The following ANKRD6 variants were observed in gnomAD, a reference collection of about 807,000 sequenced individuals.
The protein encoded by ANKRD6 is ankyrin repeat domain-containing protein 6.
A neutral mutation model predicts 82.3 loss-of-function variants in ANKRD6; 56 were observed. The ratio of observed to expected loss-of-function variants is 0.68; its 90% CI spans 0.55 to 0.85. The LOEUF (loss-of-function observed/expected upper bound fraction) is 0.85, where lower values mean the gene tolerates loss of function less well. Among genes scored for constraint, ANKRD6 ranks in the 40% least tolerant of loss-of-function variants. ANKRD6 has a pLI of 0.00. For synonymous variants in ANKRD6, 347 were observed against 352.1 expected, an observed-to-expected ratio of 0.99 and a Z score of 0.16; for missense variants, 852 against 907.6, an observed-to-expected ratio of 0.94 and a Z score of 0.79.
Position 89,455,846 on chromosome 6 carries a change from A to C in ANKRD6, c.-144+22471A>C, listed in dbSNP as rs537351432. On this transcript the variant is annotated intron_variant, in intron 1 of 15. Coordinates refer to ENST00000339746, the MANE Select transcript of ANKRD6 (RefSeq NM_001242809.2). Reference sequence around the variant, plus strand: ...CCAATTAAACCTCTTTTCTTTATAAATTATGCAGTCTCAGGTATTTCTTTT... The same window carrying C: ...CCAATTAAACCTCTTTTCTTTATAACTTATGCAGTCTCAGGTATTTCTTTT... Among the ~76,000 whole-genome samples, 21 of 151,962 alleles carry C rather than the reference A, an allele frequency of 1.4e-4. No homozygotes were observed. The South Asian group carries it at 1.5e-3, about 11-fold the overall frequency.
chr6:89,529,493 CT>C (rs1428232165), intron 1 of ANKRD6, among the ~76,000 whole-genome samples: 1 of 152,184 alleles, frequency 6.6e-6, no homozygotes, highest in African/African-American at 2.4e-5. Context: ...CCAGACCAAA[CT>C]TTCTCCATAT....
intron 2 of ANKRD6, among the ~76,000 whole-genome samples, chr6:89,589,466 A>G (rs1794450267): frequency 6.6e-6 from 1 of 152,078 alleles, no homozygotes; most frequent in Admixed American, 6.5e-5. Flanking sequence ...AAACACCTCC[A>G]CTTCCTTTCA....
At chr6:89,514,530 C>G (rs532528301) in intron 1 of ANKRD6, among the ~76,000 whole-genome samples, 4 of 152,066 alleles carry the variant, frequency 2.6e-5, no homozygotes, top group Admixed American at 6.5e-5. Flanking sequence ...ACACCCCTGC[C>G]GTAAATGGAA....
At chr6:89,468,421 G>A (rs1775080951) in intron 1 of ANKRD6, among the ~76,000 whole-genome samples, 1 of 152,048 alleles carries the variant, frequency 6.6e-6, no homozygotes, top group African/African-American at 2.4e-5. Flanking sequence ...TGGTTAAGCT[G>A]TTTTTGATGG....
At chr6:89,589,365 T>A (rs1409774285) in intron 2 of ANKRD6, among the ~76,000 whole-genome samples, 1 of 152,112 alleles carries the variant, frequency 6.6e-6, no homozygotes, top group East Asian at 1.9e-4. Flanking sequence ...TCCTGGCCCC[T>A]CCTAGGAAGG....
intron 1 of ANKRD6, among the ~76,000 whole-genome samples, chr6:89,518,363 T>C (rs1419129655): frequency 1.3e-5 from 2 of 151,086 alleles, no homozygotes; most frequent in East Asian, 1.9e-4. Flanking sequence ...GATCGCGCCA[T>C]TGCACTCCAC....
chr6:89,488,734 A>G (rs1057414933), intron 1 of ANKRD6, among the ~76,000 whole-genome samples: 1 of 152,206 alleles, frequency 6.6e-6, no homozygotes, highest in African/African-American at 2.4e-5. Context: ...TACTTGACTC[A>G]TTTTGATCAA....
intron 7 of ANKRD6, chr6:89,616,265 C>CAGGAGAATGGTG: frequency 2.6e-6 from 1 of 382,394 alleles, no homozygotes; most frequent in Non-Finnish European, 4.8e-6. Flanking sequence ...CGTGAGGCTT[C>CAGGAGAATGGTG]AGGTCCCACC....
chr6:89,602,800 C>T (rs1797537674), intron 3 of ANKRD6: 3 of 523,508 alleles, frequency 5.7e-6, no homozygotes, highest in African/African-American at 1.9e-5. Flanking sequence ...TTGCTGTCGG[C>T]TTAAGGTCCC....
At position 89,606,068 on chromosome 6, in the gene ANKRD6, T is replaced by C; in HGVS notation, c.380T>C (p.Leu127Pro). Reference sequence around the variant, plus strand: ...GGTTTCAGCCAGTCAGCCAAGCTGCTCATTAAAGCAGGAGCCAACGTGCTT... The same window carrying C: ...GGTTTCAGCCAGTCAGCCAAGCTGCCCATTAAAGCAGGAGCCAACGTGCTT... ...WHGFSQSAKL[L>P]IKAGANVLAK... Residue 127 changes from leucine (L) to proline (P), a missense_variant, in exon 5 of 16, where the codon CTC (leucine) becomes CCC (proline). By Grantham distance (98) the Leu-to-Pro change is moderately conservative. Transcript: ENST00000339746. 2 of 1,592,862 alleles carry C rather than the reference T, an allele frequency of 1.3e-6. No individual in the cohort carries two copies. The highest frequency in any genetic ancestry group is 1.7e-6 in the Non-Finnish European group (2 of 1,169,416).
chr6:89,461,919 G>A (rs1330630263), intron 1 of ANKRD6, among the ~76,000 whole-genome samples: 1 of 152,028 alleles, frequency 6.6e-6, no homozygotes, highest in Non-Finnish European at 1.5e-5. Context: ...GCTCATTAGA[G>A]ATAACCAGTG....
In ANKRD6 at chr6:89,615,692, G is replaced by C. The variant is rs75346795; in HGVS notation, c.616-867G>C. Among the ~76,000 whole-genome samples, 836 of 152,302 alleles carry C rather than the reference G, an allele frequency of 5.5e-3. 9 individuals are homozygous for C. Among genetic ancestry groups the C allele is most frequent in the African/African-American group, 0.019 (801 of 41,560 alleles). ...TTTCCCACCCCTCACAAAGATGGCTGAATGTTCATGCTACCCAGGAAAAAA... is the reference window on the plus strand; with the variant it reads ...TTTCCCACCCCTCACAAAGATGGCTCAATGTTCATGCTACCCAGGAAAAAA... On this transcript the variant is annotated intron_variant, in intron 7 of 15. Transcript: ENST00000339746.
At chr6:89,515,320 A>G (rs1426477647) in intron 1 of ANKRD6, among the ~76,000 whole-genome samples, 3 of 152,192 alleles carry the variant, frequency 2.0e-5, no homozygotes, top group Non-Finnish European at 4.4e-5. Flanking sequence ...AAATCAGCAA[A>G]TGCCACAAAG....
intron 2 of ANKRD6, among the ~76,000 whole-genome samples, chr6:89,593,439 T>C (rs1795280708): frequency 6.6e-6 from 1 of 152,240 alleles, no homozygotes; most frequent in Non-Finnish European, 1.5e-5. Context: ...GCACAGTCAC[T>C]GTCAGAGAAA....
At chr6:89,456,765 G>A (rs1194757400) in intron 1 of ANKRD6, among the ~76,000 whole-genome samples, 1 of 152,166 alleles carries the variant, frequency 6.6e-6, no homozygotes, top group African/African-American at 2.4e-5. Context: ...ATATTAAAGT[G>A]TTAGGATCAT....
chr6:89,488,592 C>A (rs1001791193), intron 1 of ANKRD6, among the ~76,000 whole-genome samples: 3 of 152,198 alleles, frequency 2.0e-5, no homozygotes, highest in African/African-American at 7.2e-5. Flanking sequence ...TCTGAAAATA[C>A]ATTTTAGGCC....
chr6:89,483,582 T>C (rs1279141914), intron 1 of ANKRD6: 1 of 152,244 alleles, frequency 6.6e-6, no homozygotes, highest in Non-Finnish European at 1.5e-5. Context: ...CTTGTAAAAC[T>C]GTTCCATTTT....
chr6:89,549,467 G>T (rs1785529262), intron 1 of ANKRD6, among the ~76,000 whole-genome samples: 1 of 139,344 alleles, frequency 7.2e-6, no homozygotes, highest in Non-Finnish European at 1.5e-5. Flanking sequence ...CAAGATGATA[G>T]CTTCTCAATC....
chr6:89,614,822 C>G (rs545696985), intron 7 of ANKRD6, among the ~76,000 whole-genome samples: 2 of 142,720 alleles, frequency 1.4e-5, no homozygotes, highest in East Asian at 4.2e-4. Flanking sequence ...CAGAATGAGA[C>G]CCCGTCTCTT....
Sources: allele counts gnomAD v4.1 joint callset (sites outside exome capture counted in the v4.1 genomes callset), GRCh38; gene constraint gnomAD v4.1.1; transcripts MANE v1.5; gene names NCBI Gene and HGNC (gene_info 2026-07-23, HGNC 2026-07-21).